Variants in METTL15 observed in about 807,000 individuals in gnomAD.
METTL15 encodes the protein 12S rRNA N(4)-cytidine methyltransferase METTL15.
In METTL15, 34 loss-of-function variants were observed where a neutral mutation model predicts 38.3. The observed-to-expected ratio is 0.89, with a 90% CI of 0.68 to 1.18. METTL15 has a LOEUF of 1.18. METTL15 is among the 50% of genes most tolerant of loss of function. The pLI, the probability that METTL15 is intolerant of heterozygous loss-of-function variation, is 0.00. For missense variants in METTL15, 438 were observed against 498.4 expected (o/e 0.88, Z 1.15); for synonymous variants, 162 against 170.9 (o/e 0.95, Z 0.41).
At chr11:28,186,337 A>C (rs1336087068) in intron 3 of METTL15, among the ~76,000 whole-genome samples, 1 of 151,254 alleles carries the variant, frequency 6.6e-6, no homozygotes, top group East Asian at 1.9e-4. Context: ...TGTATTATCA[A>C]TATTTGCAAA....
intron 5 of METTL15, among the ~76,000 whole-genome samples, chr11:28,377,385 C>T (rs199659714): frequency 1.3e-5 from 2 of 152,076 alleles, no homozygotes; most frequent in African/African-American, 4.8e-5. Context: ...TCTAAACTTT[C>T]CTTCTCGCTT....
rs868310660 is a variant in METTL15 at position 28,373,947 on chromosome 11, G to C, written c.*358+11911G>C. On this transcript the variant is annotated intron_variant and NMD_transcript_variant, in intron 5 of 7. Coordinates refer to the METTL15 transcript ENST00000532947. ...AATCCTTTCCCCATTGCTTGTTTTT[G>C]TCAGGTTTGTCAAAGATCAGATAGT... Among the ~76,000 whole-genome samples, 533 of 152,060 alleles carry C rather than the reference G, an allele frequency of 3.5e-3. 1 individual carries two copies. The highest frequency in any genetic ancestry group is 4.9e-3 in the Non-Finnish European group (335 of 67,956).
intron 6 of METTL15, among the ~76,000 whole-genome samples, chr11:28,321,809 G>T (rs1849480285): frequency 2.0e-5 from 3 of 151,894 alleles, no homozygotes; most frequent in African/African-American, 7.3e-5. Context: ...TACTGGAAAA[G>T]ATATTTAATA....
intron 4 of METTL15, among the ~76,000 whole-genome samples, chr11:28,277,341 A>G (rs865859403): frequency 7.9e-5 from 12 of 152,322 alleles, no homozygotes; most frequent in Admixed American, 5.9e-4. Context: ...AGTGTTCATC[A>G]ACAAATAAAT....
At chr11:28,368,419 C>A (rs1850210722) in intron 5 of METTL15, among the ~76,000 whole-genome samples, 1 of 152,108 alleles carries the variant, frequency 6.6e-6, no homozygotes, top group African/African-American at 2.4e-5. Context: ...CATCACTGTT[C>A]ATTAGAAAAA....
intron 6 of METTL15, among the ~76,000 whole-genome samples, chr11:28,436,683 T>C (rs1374529472): frequency 6.6e-6 from 1 of 152,164 alleles, no homozygotes; most frequent in Admixed American, 6.5e-5. Flanking sequence ...GTGAGGGAGA[T>C]AGAAAAGGTA....
chr11:28,326,853 C>T lies in METTL15; in HGVS notation c.779-3543C>T, dbSNP rs935017381. 1.1e-4 allele frequency among the ~76,000 whole-genome samples: 17 copies of T among 151,930 alleles called. No homozygotes were observed. In the South Asian group the frequency reaches 3.3e-3, roughly 30 times the overall value. ...CAGGTTGGTCTTGAACTCCTGGGCTCAAGCCACTTGCCTGCCTTAGCCTCC... is the reference window on the plus strand; with the variant it reads ...CAGGTTGGTCTTGAACTCCTGGGCTTAAGCCACTTGCCTGCCTTAGCCTCC... On this transcript the variant is annotated intron_variant, in intron 6 of 6. Transcript: ENST00000407364.
At chr11:28,208,107 C>T (rs1852445618) in intron 3 of METTL15, among the ~76,000 whole-genome samples, 3 of 152,062 alleles carry the variant, frequency 2.0e-5, no homozygotes, top group African/African-American at 7.2e-5. Context: ...GTCTCTATTT[C>T]CTTCAGTTCT....
intron 3 of METTL15, among the ~76,000 whole-genome samples, chr11:28,345,543 A>G (rs1253659519): frequency 6.6e-6 from 1 of 152,198 alleles, no homozygotes; most frequent in African/African-American, 2.4e-5. Context: ...GGGAAATACA[A>G]TTCTAGCTTG....
intron 4 of METTL15, among the ~76,000 whole-genome samples, chr11:28,218,410 T>C (rs1853012203): frequency 6.6e-6 from 1 of 152,224 alleles, no homozygotes; most frequent in African/African-American, 2.4e-5. Flanking sequence ...ATTGATTTTG[T>C]ATCCTGAGAC....
At chr11:28,360,780 G>C (rs1247048457) in intron 4 of METTL15, among the ~76,000 whole-genome samples, 1 of 151,004 alleles carries the variant, frequency 6.6e-6, no homozygotes, top group Non-Finnish European at 1.5e-5. Flanking sequence ...TTAGCATTAG[G>C]TATATCTCCC....
intron 3 of METTL15, among the ~76,000 whole-genome samples, chr11:28,165,633 T>C (rs1390180811): frequency 2.0e-5 from 3 of 152,148 alleles, no homozygotes; most frequent in African/African-American, 7.2e-5. Context: ...AATTATTTCC[T>C]TTGCTGTGTA....
intron 3 of METTL15, among the ~76,000 whole-genome samples, chr11:28,207,812 T>C (rs1053708030): frequency 6.6e-6 from 1 of 152,174 alleles, no homozygotes; most frequent in African/African-American, 2.4e-5. Context: ...TTTCAGAGAT[T>C]CAACTTCTTC....
chr11:28,127,360 TA>T (rs919697585), intron 3 of METTL15, among the ~76,000 whole-genome samples: 5 of 150,894 alleles, frequency 3.3e-5, no homozygotes, highest in South Asian at 2.1e-4. Context: ...CTAGGTTGCT[TA>T]AAAAAAAATG....
chr11:28,315,179 G>A (rs1288736045), intron 6 of METTL15, among the ~76,000 whole-genome samples: 3 of 152,160 alleles, frequency 2.0e-5, no homozygotes, highest in South Asian at 4.1e-4. Flanking sequence ...ACAGGAAAAT[G>A]TGGGAAAGTT....
chr11:28,132,923 AT>A (rs1466499437), intron 3 of METTL15, among the ~76,000 whole-genome samples: 1 of 152,124 alleles, frequency 6.6e-6, no homozygotes, highest in Non-Finnish European at 1.5e-5. Context: ...AAGAAGATAC[AT>A]TTTTTTGAGT....
intron 6 of METTL15, among the ~76,000 whole-genome samples, chr11:28,430,706 C>T (rs1850915204): frequency 8.5e-6 from 1 of 118,126 alleles, no homozygotes. Flanking sequence ...CGGCCAGCCG[C>T]CCCGTCTGGG....
At chr11:28,269,762 C>T (rs933220267) in intron 4 of METTL15, among the ~76,000 whole-genome samples, 1 of 152,094 alleles carries the variant, frequency 6.6e-6, no homozygotes, top group Non-Finnish European at 1.5e-5. Context: ...ACTGTTTTTC[C>T]CCTGAAAATA....
intron 6 of METTL15, among the ~76,000 whole-genome samples, chr11:28,314,494 T>C (rs1352096606): frequency 1.3e-5 from 2 of 152,184 alleles, no homozygotes; most frequent in African/African-American, 4.8e-5. Context: ...AGGGTTCAAA[T>C]AAAGTATTTT....
Sources: gnomAD v4.1 joint callset for allele counts (sites outside exome capture counted in the v4.1 genomes callset) on GRCh38, gnomAD v4.1.1 for gene constraint, MANE v1.5 for transcripts, NCBI Gene and HGNC (gene_info 2026-07-23, HGNC 2026-07-21) for gene names.